CSMD1: variants seen among roughly 807,000 people sequenced by gnomAD.
The protein encoded by CSMD1 is CUB and Sushi multiple domains 1, also known as CUB and sushi domain-containing protein 1.
CSMD1 carries 213 observed loss-of-function variants against 417.5 expected under a neutral mutation model. The observed-to-expected ratio is 0.51, with a 90% CI of 0.46 to 0.57. The LOEUF (loss-of-function observed/expected upper bound fraction) is 0.57. Ranked by LOEUF, CSMD1 falls within the 20% of genes least tolerant of loss-of-function variation. The pLI is 0.00. For synonymous variants in CSMD1, 2,862 were observed against 1,736.8 expected (o/e 1.65, Z -16.11); for missense variants, 6,923 against 4,529.7 (o/e 1.53, Z -15.17).
At chr8:3,226,918 A>T (rs1798538191) in intron 27 of CSMD1, among the ~76,000 whole-genome samples, 1 of 151,930 alleles carries the variant, frequency 6.6e-6, no homozygotes, top group Non-Finnish European at 1.5e-5. Context: ...AACAAATTCA[A>T]ACAGCCAATA....
chr8:4,005,960 T>C (rs940346642), intron 4 of CSMD1, among the ~76,000 whole-genome samples: 2 of 152,172 alleles, frequency 1.3e-5, no homozygotes, highest in African/African-American at 4.8e-5. Flanking sequence ...ATTCATTCAA[T>C]ACATACGAAA....
intron 1 of CSMD1, among the ~76,000 whole-genome samples, chr8:4,898,228 C>T (rs1238427252): frequency 2.0e-5 from 3 of 152,082 alleles, no homozygotes; most frequent in East Asian, 3.9e-4. Flanking sequence ...CACACATGAA[C>T]GGAGAGCATC....
Position 4,267,595 on chromosome 8 carries a change from G to C in CSMD1, c.415+152358C>G, listed in dbSNP as rs559531161. 3.4e-4 allele frequency among the ~76,000 whole-genome samples: 51 copies of C among 151,776 alleles called. No individual in the cohort carries two copies. In the South Asian group the frequency reaches 7.1e-3, roughly 21 times the overall value. On this transcript the variant is annotated intron_variant, in intron 3 of 69. Transcript: ENST00000635120. ...CACAATAAGTGACACATTCTTGGTT[G>C]GTAGAAAAAAATGGACATTTATATT...
rs571321280 is a variant in CSMD1, at chr8:3,919,603, C to T, written c.818+78300G>A. Among the ~76,000 whole-genome samples, 48 of 152,112 alleles carry T rather than the reference C, an allele frequency of 3.2e-4. No individual in the cohort carries two copies. The South Asian group carries it at 7.7e-3, about 24-fold the overall frequency. ...GCTGTGTTATTCTTGCTCAAGATTGCTTTGGTTATCTCTGGTCTTTTGTGA... is the reference window on the plus strand; with the variant it reads ...GCTGTGTTATTCTTGCTCAAGATTGTTTTGGTTATCTCTGGTCTTTTGTGA... On this transcript the variant is annotated intron_variant, in intron 5 of 69. Transcript: ENST00000635120.
At chr8:3,772,185 TATATAC>T (rs1344317404) in intron 5 of CSMD1, among the ~76,000 whole-genome samples, 1,379 of 70,018 alleles carry the variant, frequency 0.02, 126 homozygotes, top group African/African-American at 0.053. Flanking sequence ...TATATATATA[TATATAC>T]ACACACACAC....
intron 1 of CSMD1, among the ~76,000 whole-genome samples, chr8:4,712,808 C>A (rs1008384102): frequency 6.6e-5 from 10 of 152,178 alleles, no homozygotes; most frequent in Non-Finnish European, 1.5e-4. Flanking sequence ...GAGGCACATA[C>A]ATGACTGTAC....
chr8:4,065,527 A>C (rs996512595), intron 3 of CSMD1, among the ~76,000 whole-genome samples: 6 of 150,330 alleles, frequency 4.0e-5, no homozygotes, highest in African/African-American at 1.5e-4. Context: ...TTACGGTATC[A>C]AGAAACTGTA....
chr8:2,964,422 G>C (rs1004505947), intron 59 of CSMD1, among the ~76,000 whole-genome samples: 13 of 152,216 alleles, frequency 8.5e-5, no homozygotes, highest in African/African-American at 2.4e-4. Context: ...GGAGGCCCCA[G>C]TTGGAAGAGA....
chr8:4,438,413 A>G (rs1348169618), intron 2 of CSMD1, among the ~76,000 whole-genome samples: 1 of 152,172 alleles, frequency 6.6e-6, no homozygotes, highest in Non-Finnish European at 1.5e-5. Context: ...GTTGGTGGAT[A>G]CTTAAACTCT....
At chr8:4,304,388 A>G (rs1012504565) in intron 3 of CSMD1, among the ~76,000 whole-genome samples, 2 of 152,170 alleles carry the variant, frequency 1.3e-5, no homozygotes, top group African/African-American at 4.8e-5. Context: ...TGTTGTAAAT[A>G]GAGAAATTAT....
At chr8:3,302,314 C>T (rs754442248) in intron 25 of CSMD1, among the ~76,000 whole-genome samples, 1 of 152,132 alleles carries the variant, frequency 6.6e-6, no homozygotes, top group Non-Finnish European at 1.5e-5. Context: ...GTCACTTCTT[C>T]TGGAATATCT....
chr8:3,275,655 C>T (rs1802227841), intron 26 of CSMD1, among the ~76,000 whole-genome samples: 2 of 152,054 alleles, frequency 1.3e-5, no homozygotes, highest in South Asian at 2.1e-4. Flanking sequence ...TCTAAACTTC[C>T]CTTCTCGCTT....
chr8:4,374,841 A>G (rs1239828967), intron 3 of CSMD1, among the ~76,000 whole-genome samples: 1 of 151,878 alleles, frequency 6.6e-6, no homozygotes, highest in African/African-American at 2.4e-5. Context: ...GTCTAGAGTG[A>G]ATTTAAAGAA....
At chr8:4,228,783 A>C (rs1421188451) in intron 3 of CSMD1, among the ~76,000 whole-genome samples, 1 of 152,034 alleles carries the variant, frequency 6.6e-6, no homozygotes. Flanking sequence ...TCCTGGGTTC[A>C]AAAGATTCTC....
chr8:3,274,381 G>C (rs1047633899), intron 26 of CSMD1, among the ~76,000 whole-genome samples: 2 of 152,036 alleles, frequency 1.3e-5, no homozygotes, highest in Non-Finnish European at 2.9e-5. Context: ...GTGTGGTGTG[G>C]TGCTGAAAAA....
At chr8:4,353,961 T>G (rs1801248959) in intron 3 of CSMD1, among the ~76,000 whole-genome samples, 1 of 152,140 alleles carries the variant, frequency 6.6e-6, no homozygotes, top group Non-Finnish European at 1.5e-5. Context: ...CAGCCCTCTA[T>G]GATGATATAT....
intron 11 of CSMD1, among the ~76,000 whole-genome samples, chr8:3,486,642 G>A (rs78753933): frequency 0.019 from 2,820 of 152,298 alleles, 101 homozygotes; most frequent in African/African-American, 0.064. Context: ...TAGCTGAAAT[G>A]GAGCACCACC....
At chr8:4,335,871 G>A (rs773388516) in intron 3 of CSMD1, among the ~76,000 whole-genome samples, 3 of 152,032 alleles carry the variant, frequency 2.0e-5, no homozygotes, top group Non-Finnish European at 2.9e-5. Context: ...ACAGGGGGAC[G>A]AGAAAGTGGA....
chr8:4,281,992 G>C lies in CSMD1; in HGVS notation c.415+137961C>G, dbSNP rs935144702. On this transcript the variant is annotated intron_variant, in intron 3 of 69. Transcript: ENST00000635120. ...CCAATTGCAAATGCATTCAACTATA[G>C]CAAGGTGAATTCATGTTCTCTTGAG... Among the ~76,000 whole-genome samples, 13 of 152,208 alleles carry C rather than the reference G, an allele frequency of 8.5e-5. 1 individual carries two copies. Among genetic ancestry groups the C allele is most frequent in the Admixed American group, 5.9e-4 (9 of 15,276 alleles).
Sources: allele counts gnomAD v4.1 joint callset (sites outside exome capture counted in the v4.1 genomes callset), GRCh38; gene constraint gnomAD v4.1.1; transcripts MANE v1.5; gene names NCBI Gene and HGNC (gene_info 2026-07-23, HGNC 2026-07-21).